SIGLEC1: variants seen among roughly 807,000 people sequenced by gnomAD.
The protein encoded by SIGLEC1 is sialic acid binding Ig like lectin 1.
In SIGLEC1, 132 loss-of-function variants were observed where a neutral mutation model predicts 148.0. The ratio of observed to expected loss-of-function variants is 0.89; its 90% CI spans 0.77 to 1.03. The LOEUF (loss-of-function observed/expected upper bound fraction) is 1.03. SIGLEC1 is among the 50% of genes least tolerant of loss of function. SIGLEC1 has a pLI of 0.00. For missense variants in SIGLEC1, 2,253 were observed against 2,271.4 expected (o/e 0.99, Z 0.16); for synonymous variants, 945 against 969.0 (o/e 0.98, Z 0.46).
Position 3,697,211 on chromosome 20 carries a change from C to T in SIGLEC1, c.2254G>A (p.Ala752Thr), listed in dbSNP as rs1227061905. Residue 752 changes from alanine (A) to threonine (T), a missense_variant, in exon 10 of 22, where the codon GCC becomes ACC. Transcript: ENST00000344754. ...FSWFRNGVLW[A>T]QGPLETVTLL... ...GTCACGGTCTCCAGGGGACCCTGGGCCCACAGCACCCCATTTCGGAACCAG... is the reference window on the plus strand; with the variant it reads ...GTCACGGTCTCCAGGGGACCCTGGGTCCACAGCACCCCATTTCGGAACCAG... The T allele has an allele frequency of 1.9e-5, 30 of 1,613,938 alleles. No individual in the cohort carries two copies. The highest frequency in any genetic ancestry group is 2.5e-5 in the Non-Finnish European group (30 of 1,180,038).
chr20:3,693,980 C>G (rs2088793747), intron 13 of SIGLEC1, among the ~76,000 whole-genome samples: 1 of 152,224 alleles, frequency 6.6e-6, no homozygotes, highest in Non-Finnish European at 1.5e-5. Context: ...CTCCCCTCCC[C>G]TGCTGCACTT....
Position 3,688,638 on chromosome 20 carries a change from C to T in SIGLEC1, c.5071-19G>A, listed in dbSNP as rs1042824621. ...CAATGAGCTTCCCACAGAGAAAACCCTGGTCACAGGAGGCCTCTGGGAGCC... is the reference window on the plus strand; with the variant it reads ...CAATGAGCTTCCCACAGAGAAAACCTTGGTCACAGGAGGCCTCTGGGAGCC... On this transcript the variant is annotated intron_variant, in intron 21 of 21. Transcript: ENST00000344754. 2 of 1,577,640 alleles carry T rather than the reference C, an allele frequency of 1.3e-6. No individual in the cohort carries two copies. Among genetic ancestry groups the T allele is most frequent in the African/African-American group, 1.4e-5 (1 of 73,974 alleles).
intron 10 of SIGLEC1, 91 bp from the exon 11 acceptor site, chr20:3,696,979 G>C (rs1304072681): frequency 6.5e-7 from 1 of 1,542,134 alleles, no homozygotes; most frequent in Admixed American, 1.8e-5. Flanking sequence ...CACACACACA[G>C]CCTAAGCCAT....
Position 3,691,379 on chromosome 20 carries a change from C to T in SIGLEC1, c.4552G>A (p.Gly1518Arg). 1 of 1,613,460 alleles carries T rather than the reference C, an allele frequency of 6.2e-7. No homozygotes were observed. The change falls in exon 18 of 22, where the codon GGG (glycine) becomes AGG (arginine). Residue 1518 changes from glycine (G) to arginine (R), a missense_variant. By Grantham distance (125) the Gly-to-Arg change is moderately radical. Coordinates refer to ENST00000344754, the MANE Select transcript of SIGLEC1 (RefSeq NM_023068.4). ...MYHCLAELPTGAAASAPVMLR... is the reference protein window; with the variant it reads ...MYHCLAELPTRAAASAPVMLR... The stretch of plus-strand genomic sequence containing the variant: ...ATGACTGGAGCAGAGGCAGCAGCCC[C>T]AGTGGGGAGCTCAGCCAGGCAGTGG...
At chr20:3,700,174 G>A (rs1488948066) in intron 7 of SIGLEC1, among the ~76,000 whole-genome samples, 1 of 129,788 alleles carries the variant, frequency 7.7e-6, no homozygotes, top group Non-Finnish European at 1.6e-5. Context: ...CTGGAGTGCA[G>A]TGGCGCAATC....
At chr20:3,711,094 C>T (rs1215833049) in intron 1 of SIGLEC1, among the ~76,000 whole-genome samples, 3 of 152,160 alleles carry the variant, frequency 2.0e-5, no homozygotes, top group African/African-American at 4.8e-5. Flanking sequence ...GGGGGAATTG[C>T]GGGTCCCGGG....
At position 3,688,289 on chromosome 20, in the gene SIGLEC1, T is replaced by G; in HGVS notation, c.*271A>C. 5 of 439,832 alleles carry G rather than the reference T, an allele frequency of 1.1e-5. No homozygotes were observed. The highest frequency in any genetic ancestry group is 9.1e-5 in the East Asian group (2 of 21,888). The allele number at this position is 439,832 out of a possible 1,614,324, so 27.2% of individuals were successfully genotyped here. On this transcript the variant is annotated 3_prime_UTR_variant, in exon 22 of 22. Coordinates refer to ENST00000344754, the MANE Select transcript of SIGLEC1 (RefSeq NM_023068.4). ...GGCAGGGCTTCCTTTGAGGGAGAAA[T>G]GGAGAGAAGGGAGGAGATCCAGAGA... is the stretch of plus-strand genomic sequence containing the variant.
At chr20:3,689,030 G>T in intron 21 of SIGLEC1, 125 bp downstream of exon 21, 1 of 842,540 alleles carries the variant, frequency 1.2e-6, no homozygotes. Flanking sequence ...CTGGTTCCCT[G>T]CACACTCTCC....
rs1408416983 is a variant in SIGLEC1 at position 3,707,195 on chromosome 20, G to A, written c.-67C>T. The A allele has an allele frequency of 6.9e-7, 1 of 1,457,580 alleles. No individual in the cohort carries two copies. The highest frequency in any genetic ancestry group is 9.6e-7 in the Non-Finnish European group (1 of 1,042,164). The allele number at this position is 1,457,580 out of a possible 1,614,324, so 90.3% of individuals were successfully genotyped here. A position where few individuals can be genotyped will look rare whatever the true frequency, so the allele number is the denominator to read the frequency against. On this transcript the variant is annotated 5_prime_UTR_variant, in exon 2 of 22. Transcript: ENST00000344754. Reference sequence around the variant, plus strand: ...CGCACTGCGCTGGCTGGGCTCACAGGGGCCTCCAGGGACACCTCTGGGCAC... The same window carrying A: ...CGCACTGCGCTGGCTGGGCTCACAGAGGCCTCCAGGGACACCTCTGGGCAC...
Position 3,701,352 on chromosome 20 carries a change from G to T in SIGLEC1, c.1518C>A (p.Phe506Leu). The T allele has an allele frequency of 6.2e-7, 1 of 1,608,680 alleles. No individual in the cohort carries two copies. Among genetic ancestry groups the T allele is most frequent in the Non-Finnish European group, 8.5e-7 (1 of 1,176,434 alleles). ...SLGNATSTLDFHANAARLLIS... is the reference protein window; with the variant it reads ...SLGNATSTLDLHANAARLLIS... ...CAGTGCCCATCTTACCATTGGCATG[G>T]AAGTCCAGGGTGGAGGTTGCATTTC... The change falls in exon 7 of 22, where the codon TTC becomes TTA. Residue 506 changes from phenylalanine (F) to leucine (L), a missense_variant. Physicochemically the swap from Phe to Leu is conservative, Grantham distance 22. Coordinates refer to ENST00000344754, the MANE Select transcript of SIGLEC1 (RefSeq NM_023068.4).
At position 3,703,925 on chromosome 20, in the gene SIGLEC1, G is replaced by A. The variant is rs1223953006; in HGVS notation, c.873C>T (p.His291=). ...CATCGCTCCAGGCTGCCTGGGGCAG[G>A]TGCAGCACACCAGTCTTGGTTTGGA... ...VRLQTKTGVL[H]LPQAAWSDAG... is the part of the protein sequence containing the mutation. The change falls in exon 5 of 22, where the codon CAC becomes CAT. Residue 291 remains histidine (H), a synonymous_variant. Coordinates refer to ENST00000344754, the MANE Select transcript of SIGLEC1 (RefSeq NM_023068.4). 2 of 1,613,848 alleles carry A rather than the reference G, an allele frequency of 1.2e-6. No individual in the cohort carries two copies. Among genetic ancestry groups the A allele is most frequent in the Middle Eastern group, 1.6e-4 (1 of 6,084 alleles).
In SIGLEC1 at chr20:3,689,652, G is replaced by A. The variant is rs1427138264; in HGVS notation, c.4945C>T (p.Leu1649=). The change falls in exon 20 of 22, where the codon CTG becomes TTG. Residue 1649 remains leucine, a synonymous_variant. Transcript: ENST00000344754. The part of the protein sequence containing the change: ...FQQLLWVLGL[L]VGLLLLLLGL... ...AACAGCAGGAGCAGGAGGCCCACCA[G>A]CAGTCCCAGGACCCAGAGCAGCTGC... 1 of 1,591,438 alleles carries A rather than the reference G, an allele frequency of 6.3e-7. No homozygotes were observed. Among genetic ancestry groups the A allele is most frequent in the Non-Finnish European group, 8.6e-7 (1 of 1,169,392 alleles).
rs1222000088 is a variant in SIGLEC1, at chr20:3,707,148, C to G, written c.-20G>C. On this transcript the variant is annotated 5_prime_UTR_variant, in exon 2 of 22. Coordinates refer to ENST00000344754, the MANE Select transcript of SIGLEC1 (RefSeq NM_023068.4). ...GCCCATAGCAGGTTCTTGTGCTGCT[C>G]CTGTTGCCTAAGAGGGTGGTGCGCA... 2 of 1,613,120 alleles carry G rather than the reference C, an allele frequency of 1.2e-6. No individual in the cohort carries two copies. The highest frequency in any genetic ancestry group is 1.7e-5 in the Admixed American group (1 of 59,994).
chr20:3,693,072 G>A lies in SIGLEC1; in HGVS notation c.3568C>T (p.Leu1190=), dbSNP rs2088782199. 1.2e-6 allele frequency: 2 copies of A among 1,601,292 alleles called. No homozygotes were observed. Among genetic ancestry groups the A allele is most frequent in the Non-Finnish European group, 1.7e-6 (2 of 1,175,820 alleles). ...LLESHGGQLA[L]VLCTVDSRPP... is the part of the protein sequence containing the mutation. ...CGGCTGTCCACAGTGCACAGTACCA[G>A]GGCCAGCTGCCCGCCATGGCTCTCC... Residue 1190 remains leucine (L), a synonymous_variant, in exon 15 of 22, where the codon CTG becomes TTG. Coordinates refer to ENST00000344754, the MANE Select transcript of SIGLEC1 (RefSeq NM_023068.4).
intron 19 of SIGLEC1, 28 bp from the exon 20 acceptor site, chr20:3,689,730 G>A (rs1400253384): frequency 6.5e-7 from 1 of 1,539,216 alleles, no homozygotes; most frequent in South Asian, 1.2e-5. Flanking sequence ...ACTCAGAGCA[G>A]CCACAGCTGC....
chr20:3,689,478 C>A, intron 20 of SIGLEC1, 122 bp downstream of exon 20: 1 of 700,934 alleles, frequency 1.4e-6, no homozygotes, highest in South Asian at 1.9e-5. Context: ...GAGGGGCAGT[C>A]TGGGAAGTAG....
rs189200403 is a variant in SIGLEC1 at position 3,698,078 on chromosome 20, G to A, written c.1842C>T (p.Ala614=). 65 of 1,608,392 alleles carry A rather than the reference G, an allele frequency of 4.0e-5. No homozygotes were observed. The highest frequency in any genetic ancestry group is 1.7e-4 in the Middle Eastern group (1 of 5,786). ...AAAGGAGGCCTCGCCGTCCAGCCCC[G>A]GCCCCAGCGGCATCAAGGTCCAGCC... is the stretch of plus-strand genomic sequence containing the variant. The part of the protein sequence containing the change: ...TTRLDLDAAG[A]GAGRRGLLLC... The change falls in exon 9 of 22, where the codon GCC becomes GCT. Residue 614 remains alanine (A), a synonymous_variant. Coordinates refer to ENST00000344754, the MANE Select transcript of SIGLEC1 (RefSeq NM_023068.4).
chr20:3,690,413 T>C (rs1022702971), intron 18 of SIGLEC1, 149 bp from the exon 19 acceptor site: 18 of 691,880 alleles, frequency 2.6e-5, no homozygotes, highest in Non-Finnish European at 3.3e-5. Context: ...GTTTGACCAA[T>C]TGAAGAAAGA....
chr20:3,696,453 G>GCTGT (rs2088823061), intron 11 of SIGLEC1, 133 bp downstream of exon 11: 1 of 760,726 alleles, frequency 1.3e-6, no homozygotes, highest in Admixed American at 3.4e-5. Flanking sequence ...CCTTCTGCTG[G>GCTGT]CTGGAAACTG....
Sources: allele counts gnomAD v4.1 joint callset (sites outside exome capture counted in the v4.1 genomes callset), GRCh38; gene constraint gnomAD v4.1.1; transcripts MANE v1.5; gene names NCBI Gene and HGNC (gene_info 2026-07-23, HGNC 2026-07-21).